Variants in CFI observed in about 807,000 individuals in gnomAD.
The protein encoded by CFI is complement factor I, also known as C3B/C4B inactivator.
CFI carries 66 observed loss-of-function variants against 78.8 expected under a neutral mutation model. That is an observed-to-expected ratio of 0.84 (90% CI 0.69 to 1.03). CFI has a LOEUF of 1.03. Ranked by LOEUF, CFI falls within the 50% of genes least tolerant of loss-of-function variation. The pLI, the probability that CFI is intolerant of heterozygous loss-of-function variation, is 0.00. For synonymous variants in CFI, 250 were observed against 232.6 expected (o/e 1.07, Z -0.68); for missense variants, 706 against 704.5 (o/e 1.00, Z -0.02).
rs1561293810 is a variant in CFI at position 109,753,513 on chromosome 4, TAAATAAATATTTA to T, written c.905-1023_905-1011del. On this transcript the variant is annotated intron_variant, in intron 7 of 12. Transcript: ENST00000394634. ...AAATATTTATAATATATTTATTATATAAATAAATATTTATAATAAATATTTATAATATATTTAT... is the reference window on the plus strand; with the variant it reads ...AAATATTTATAATATATTTATTATATTAATAAATATTTATAATATATTTAT... 2.1e-3 allele frequency among the ~76,000 whole-genome samples: 65 copies of T among 31,312 alleles called. 1 individual carries two copies. Among genetic ancestry groups the T allele is most frequent in the African/African-American group, 6.4e-3 (63 of 9,826 alleles). 20.5% of individuals were successfully genotyped at this position (31,312 alleles called of 152,430 possible). A position where few individuals can be genotyped will look rare whatever the true frequency, so the allele number is the denominator to read the frequency against.
At chr4:109,756,623 A>T (rs1299386430) in intron 7 of CFI, among the ~76,000 whole-genome samples, 1 of 151,918 alleles carries the variant, frequency 6.6e-6, no homozygotes, top group Non-Finnish European at 1.5e-5. Flanking sequence ...GCACTTTGGG[A>T]GGCCGAGGCA....
At chr4:109,738,683 G>A (rs1723522006), downstream of CFI, among the ~76,000 whole-genome samples, 2 of 152,128 alleles carry the variant, frequency 1.3e-5, no homozygotes, top group African/African-American at 2.4e-5. Flanking sequence ...AGGAAGTCTG[G>A]TGCCCCCGGC....
At chr4:109,754,173 AG>A (rs1725817307) in intron 7 of CFI, among the ~76,000 whole-genome samples, 1 of 151,050 alleles carries the variant, frequency 6.6e-6, no homozygotes, top group Non-Finnish European at 1.5e-5. Flanking sequence ...TAGTAGAAAC[AG>A]GGTTTTACCA....
downstream of CFI, among the ~76,000 whole-genome samples, chr4:109,735,836 A>G (rs781326183): frequency 1.3e-5 from 2 of 152,226 alleles, no homozygotes; most frequent in Non-Finnish European, 2.9e-5. Flanking sequence ...ACACTTCAAA[A>G]AGGGAGTGGG....
Position 109,798,519 on chromosome 4 carries a change from T to TAA in CFI, c.57+3395_57+3396insTT, listed in dbSNP as rs201294943. On this transcript the variant is annotated intron_variant, in intron 1 of 12. Transcript: ENST00000394634. ...TAACTCAATAAAGTGTTTTTTTTTT[T>TAA]TAAAAAGACCATTAAGTCTTTGTTT... 1.2e-4 allele frequency among the ~76,000 whole-genome samples: 4 copies of TAA among 33,822 alleles called. No homozygotes were observed. In the South Asian group the frequency reaches 3.4e-3, roughly 29 times the overall value. The allele number at this position is 33,822 out of a possible 152,430, so 22.2% of individuals were successfully genotyped here.
chr4:109,785,698 T>C (rs1730652304), intron 1 of CFI, among the ~76,000 whole-genome samples: 1 of 152,066 alleles, frequency 6.6e-6, no homozygotes. Context: ...ATCCCCATAA[T>C]CCCCATAATT....
intron 4 of CFI, 89 bp from the exon 5 acceptor site, chr4:109,760,725 A>G: frequency 1.3e-6 from 1 of 790,848 alleles, no homozygotes; most frequent in Non-Finnish European, 2.3e-6. Context: ...GGAGTCATTA[A>G]GAGAAAGTTA....
At chr4:109,739,916 T>A (rs930475923), downstream of CFI, among the ~76,000 whole-genome samples, 1 of 152,154 alleles carries the variant, frequency 6.6e-6, no homozygotes, top group African/African-American at 2.4e-5. Flanking sequence ...TATTGAATTA[T>A]CTGTGGATAG....
At chr4:109,748,980 G>A (rs1387988520) in intron 10 of CFI, among the ~76,000 whole-genome samples, 1 of 152,156 alleles carries the variant, frequency 6.6e-6, no homozygotes, top group African/African-American at 2.4e-5. Context: ...TAATTTGGCA[G>A]CTATGGGTTT....
intron 7 of CFI, 131 bp from the exon 8 acceptor site, chr4:109,752,634 C>A: frequency 2.7e-6 from 2 of 747,512 alleles, no homozygotes; most frequent in Non-Finnish European, 2.3e-6. Flanking sequence ...AAGAACTGTA[C>A]AAAATCCCCA....
chr4:109,756,787 AG>A (rs1254221127), intron 7 of CFI, among the ~76,000 whole-genome samples: 1 of 151,192 alleles, frequency 6.6e-6, no homozygotes, highest in African/African-American at 2.4e-5. Flanking sequence ...TAAACCCGGG[AG>A]GTGGAGGTTG....
chr4:109,761,839 C>T, intron 3 of CFI, 147 bp from the exon 4 acceptor site: 5 of 677,206 alleles, frequency 7.4e-6, no homozygotes, highest in East Asian at 2.7e-5. Context: ...AACTCTGAGC[C>T]TCAGTACCTT....
intron 1 of CFI, among the ~76,000 whole-genome samples, chr4:109,770,220 G>A (rs1728389868): frequency 6.6e-6 from 1 of 152,130 alleles, no homozygotes; most frequent in Non-Finnish European, 1.5e-5. Context: ...ACCACACATT[G>A]GTGAGTTGAG....
rs749516565 is a variant in CFI, at chr4:109,766,806, C to A, written c.76G>T (p.Glu26Ter). 6.2e-7 allele frequency: 1 copy of A among 1,614,148 alleles called. No individual in the cohort carries two copies. Among genetic ancestry groups the A allele is most frequent in the Admixed American group, 1.7e-5 (1 of 60,016 alleles). The change falls in exon 2 of 13, where the codon GAG (glutamate) becomes TAG (stop). Residue 26 changes from glutamate to a stop codon, truncating the protein, a stop_gained. Transcript: ENST00000394634. LOFTEE classifies it high-confidence loss of function. Reference sequence around the variant, plus strand: ...AAGCACTTTTTCTCCACCAGATCCTCTTGAGATGTATAAGTGACCTGTAAA... The same window carrying A: ...AAGCACTTTTTCTCCACCAGATCCTATTGAGATGTATAAGTGACCTGTAAA... ...RFCKVTYTSQ[E>*]DLVEKKCLAK...
intron 1 of CFI, among the ~76,000 whole-genome samples, chr4:109,776,447 A>G (rs1202304389): frequency 1.3e-5 from 2 of 152,222 alleles, no homozygotes; most frequent in African/African-American, 2.4e-5. Flanking sequence ...AAATGAACAA[A>G]GCCTCCAAGA....
rs762315947 is a variant in CFI, at chr4:109,746,501, C to T, written c.1150G>A (p.Ala384Thr). The part of the protein sequence containing the change: ...WILTAAHCLR[A>T]SKTHRYQIWT... Reference sequence around the variant, plus strand: ...ATTTGGTAACGATGAGTTTTACTGGCTCTATAACAGAAAAAAAAAGGAAAT... The same window carrying T: ...ATTTGGTAACGATGAGTTTTACTGGTTCTATAACAGAAAAAAAAAGGAAAT... The change falls in exon 11 of 13, where the codon GCC becomes ACC. Residue 384 changes from alanine to threonine, a missense_variant and splice_region_variant. Ala to Thr is a moderately conservative substitution (Grantham distance 58). Coordinates refer to ENST00000394634, the MANE Select transcript of CFI (RefSeq NM_000204.5). 2.1e-5 allele frequency: 33 copies of T among 1,594,724 alleles called. No individual in the cohort carries two copies. In the Admixed American group the frequency reaches 4.9e-4, roughly 24 times the overall value.
At chr4:109,737,247 C>A (rs1723423651), downstream of CFI, among the ~76,000 whole-genome samples, 1 of 152,044 alleles carries the variant, frequency 6.6e-6, no homozygotes, top group Non-Finnish European at 1.5e-5. Flanking sequence ...ATGGCCTTTC[C>A]CCCTCTCCAG....
rs41278049 is a variant in CFI at position 109,746,184 on chromosome 4, A to G, written c.1429+38T>C. On this transcript the variant is annotated intron_variant, in intron 11 of 12. Coordinates refer to ENST00000394634, the MANE Select transcript of CFI (RefSeq NM_000204.5). ...ACATTTCTATTCTCTTTCATTTCCA[A>G]CTCATGGCTTCTGATTAACAAACTG... The G allele has an allele frequency of 8.1e-3, 12,997 of 1,610,012 alleles. 100 individuals are homozygous for G. The highest frequency in any genetic ancestry group is 0.024 in the South Asian group (2,177 of 90,930).
intron 7 of CFI, 39 bp from the exon 8 acceptor site, chr4:109,752,542 A>C (rs1725272057): frequency 6.5e-7 from 1 of 1,529,642 alleles, no homozygotes; most frequent in African/African-American, 1.4e-5. Flanking sequence ...TAAAGTTGTT[A>C]ATTATAGTCA....
Sources: allele counts gnomAD v4.1 joint callset (sites outside exome capture counted in the v4.1 genomes callset), GRCh38; gene constraint gnomAD v4.1.1; transcripts MANE v1.5; gene names NCBI Gene and HGNC (gene_info 2026-07-23, HGNC 2026-07-21).